Variants in VPS41 observed in about 807,000 individuals in gnomAD.
The protein encoded by VPS41 is vacuolar protein sorting-associated protein 41 homolog.
VPS41 carries 85 observed loss-of-function variants against 130.9 expected under a neutral mutation model. The ratio of observed to expected loss-of-function variants is 0.65; its 90% CI spans 0.55 to 0.78. VPS41 has a LOEUF of 0.78. Among genes scored for constraint, VPS41 ranks in the 30% least tolerant of loss-of-function variants. The probability of loss-of-function intolerance (pLI) is 0.00; values close to 1 mark genes in which losing one functional copy is unlikely to be tolerated. For missense variants in VPS41, 874 were observed against 1,018.7 expected, an observed-to-expected ratio of 0.86 and a Z score of 1.93; for synonymous variants, 335 against 332.9, an observed-to-expected ratio of 1.01 and a Z score of -0.07.
At chr7:38,853,920 T>A (rs1479638983) in intron 4 of VPS41, among the ~76,000 whole-genome samples, 1 of 152,214 alleles carries the variant, frequency 6.6e-6, no homozygotes, top group East Asian at 1.9e-4. Context: ...GAGAGAAGCA[T>A]CCTTAATTCT....
At chr7:38,727,148 C>A in intron 27 of VPS41, 160 bp from the exon 28 acceptor site, 1 of 544,482 alleles carries the variant, frequency 1.8e-6, no homozygotes, top group Non-Finnish European at 3.0e-6. Context: ...GTGGTATGAT[C>A]AGACACAAAA....
intron 4 of VPS41, chr7:38,831,141 T>C (rs1019464940): frequency 6.5e-6 from 3 of 464,592 alleles, no homozygotes; most frequent in African/African-American, 6.0e-5. Flanking sequence ...AGTTTACTTA[T>C]TCAGATCTTG....
chr7:38,792,339 G>C (rs1784550100), intron 9 of VPS41, among the ~76,000 whole-genome samples: 1 of 152,172 alleles, frequency 6.6e-6, no homozygotes, highest in Non-Finnish European at 1.5e-5. Flanking sequence ...TTCTCCACAT[G>C]GGTGGATAAC....
At chr7:38,779,920 AAGTTTC>A (rs896427754) in intron 10 of VPS41, among the ~76,000 whole-genome samples, 22 of 152,178 alleles carry the variant, frequency 1.4e-4, no homozygotes, top group African/African-American at 4.8e-4. Flanking sequence ...GGACGAATGG[AAGTTTC>A]AGTTTATTTA....
At chr7:38,878,941 A>G (rs1458049773) in intron 2 of VPS41, among the ~76,000 whole-genome samples, 2 of 152,202 alleles carry the variant, frequency 1.3e-5, no homozygotes, top group African/African-American at 4.8e-5. Flanking sequence ...GTTTTAGCCA[A>G]GGCAAAAGAC....
chr7:38,765,238 A>T (rs1167458398), intron 16 of VPS41, among the ~76,000 whole-genome samples: 2 of 152,170 alleles, frequency 1.3e-5, no homozygotes, highest in Non-Finnish European at 2.9e-5. Flanking sequence ...ATACAATATT[A>T]TTCAGTAAAT....
chr7:38,761,591 C>G (rs1584380809), intron 17 of VPS41, among the ~76,000 whole-genome samples: 1 of 139,316 alleles, frequency 7.2e-6, no homozygotes, highest in Middle Eastern at 3.5e-3. Flanking sequence ...CCACACACAG[C>G]CTCTTTCTTT....
intron 2 of VPS41, among the ~76,000 whole-genome samples, chr7:38,872,638 T>C (rs1235168736): frequency 6.6e-6 from 1 of 152,182 alleles, no homozygotes; most frequent in Non-Finnish European, 1.5e-5. Flanking sequence ...CAGTTATCCA[T>C]AGGGCCTACA....
intron 17 of VPS41, among the ~76,000 whole-genome samples, chr7:38,761,128 GTTTC>G (rs1487611341): frequency 6.6e-6 from 1 of 151,846 alleles, no homozygotes; most frequent in Non-Finnish European, 1.5e-5. Flanking sequence ...TTCAGATCAA[GTTTC>G]TTTCTTTTCT....
chr7:38,760,419 G>A (rs2286087), intron 17 of VPS41, among the ~76,000 whole-genome samples: 34,190 of 151,982 alleles, frequency 0.22, 4,391 homozygotes, highest in East Asian at 0.43. Flanking sequence ...TCATGTCAAA[G>A]CTAGATCTAC....
intron 17 of VPS41, 73 bp downstream of exon 17, chr7:38,763,382 T>G (rs886607889): frequency 1.9e-6 from 2 of 1,066,006 alleles, no homozygotes; most frequent in East Asian, 2.5e-5. Context: ...CATTGCTCCA[T>G]TGTATTCCTT....
chr7:38,903,926 GAA>G (rs1787196815), intron 1 of VPS41, among the ~76,000 whole-genome samples: 1 of 152,088 alleles, frequency 6.6e-6, no homozygotes, highest in Non-Finnish European at 1.5e-5. Flanking sequence ...CCCCAGCGTG[GAA>G]AAGAGGGCAA....
At chr7:38,789,537 C>A (rs1002182826) in intron 10 of VPS41, among the ~76,000 whole-genome samples, 3 of 152,124 alleles carry the variant, frequency 2.0e-5, no homozygotes, top group Non-Finnish European at 2.9e-5. Flanking sequence ...GGGGCCAACA[C>A]AGATCCCCGT....
At chr7:38,844,960 G>A (rs1785692100) in intron 4 of VPS41, among the ~76,000 whole-genome samples, 1 of 152,212 alleles carries the variant, frequency 6.6e-6, no homozygotes, top group African/African-American at 2.4e-5. Context: ...CCTCAACAGA[G>A]GCAGGGGCAC....
intron 16 of VPS41, among the ~76,000 whole-genome samples, 176 bp downstream of exon 16, chr7:38,765,404 A>AC (rs1784019098): frequency 5.2e-5 from 1 of 19,258 alleles, no homozygotes; most frequent in Non-Finnish European, 8.2e-5. Flanking sequence ...AATCTTATAT[A>AC]TTTTTTTTTA....
intron 10 of VPS41, among the ~76,000 whole-genome samples, chr7:38,782,425 T>C (rs1028230023): frequency 6.6e-6 from 1 of 152,240 alleles, no homozygotes; most frequent in Non-Finnish European, 1.5e-5. Flanking sequence ...TTCCCATTAA[T>C]TTGTGTCTTG....
At position 38,830,330 on chromosome 7, in the gene VPS41, TAAAAAG is replaced by T. The variant is rs531105905; in HGVS notation, c.247-8_247-3del. 21 of 1,598,654 alleles carry T rather than the reference TAAAAAG, an allele frequency of 1.3e-5. No individual in the cohort carries two copies. The East Asian group carries it at 4.2e-4, about 32-fold the overall frequency. ...AATCTGATTTATCTTCACAGGACTC[TAAAAAG>T]AAAAAGACAAAAAGATGTGTAAAAC... On this transcript the variant is annotated splice_polypyrimidine_tract_variant and splice_region_variant and intron_variant, in intron 4 of 28. Transcript: ENST00000310301.
intron 19 of VPS41, 68 bp from the exon 20 acceptor site, chr7:38,755,004 G>A (rs2115722376): frequency 7.0e-7 from 1 of 1,437,330 alleles, no homozygotes; most frequent in East Asian, 2.3e-5. Context: ...TAAACACAAT[G>A]CAGTGTACCT....
chr7:38,872,637 A>G (rs1275176530), intron 2 of VPS41, among the ~76,000 whole-genome samples: 1 of 152,240 alleles, frequency 6.6e-6, no homozygotes, highest in Non-Finnish European at 1.5e-5. Flanking sequence ...ACAGTTATCC[A>G]TAGGGCCTAC....
Sources: allele counts gnomAD v4.1 joint callset (sites outside exome capture counted in the v4.1 genomes callset), GRCh38; gene constraint gnomAD v4.1.1; transcripts MANE v1.5; gene names NCBI Gene and HGNC (gene_info 2026-07-23, HGNC 2026-07-21).